The following PPIE variants were observed in gnomAD, a reference collection of about 807,000 sequenced individuals.
The protein encoded by PPIE is peptidylprolyl isomerase E.
In PPIE, 20 loss-of-function variants were observed where a neutral mutation model predicts 38.4. The ratio of observed to expected loss-of-function variants is 0.52; its 90% CI spans 0.37 to 0.76. The LOEUF (loss-of-function observed/expected upper bound fraction) is 0.76. Ranked by LOEUF, PPIE falls within the 30% of genes least tolerant of loss-of-function variation. The pLI is 0.00. For missense variants in PPIE, 322 were observed against 385.8 expected, an observed-to-expected ratio of 0.83 and a Z score of 1.39; for synonymous variants, 142 against 135.7, an observed-to-expected ratio of 1.05 and a Z score of -0.32.
Position 39,743,927 on chromosome 1 carries a change from G to A in PPIE, c.384+3G>A, listed in dbSNP as rs746032039. The stretch of plus-strand genomic sequence containing the variant: ...CTCCCAAAGCAGAGACCCAGGAGGT[G>A]AGAATGAAGCTCCTGCTTCCAGAGC... On this transcript the variant is annotated splice_donor_region_variant and intron_variant, in intron 6 of 9. Transcript: ENST00000324379. 15 of 1,603,212 alleles carry A rather than the reference G, an allele frequency of 9.4e-6. No homozygotes were observed. Among genetic ancestry groups the A allele is most frequent in the Non-Finnish European group, 1.2e-5 (14 of 1,172,100 alleles).
rs1295933893 is a variant in PPIE, at chr1:39,741,351, T to C, written c.131-15T>C. 6.2e-7 allele frequency: 1 copy of C among 1,613,766 alleles called. No individual in the cohort carries two copies. The highest frequency in any genetic ancestry group is 2.2e-5 in the East Asian group (1 of 44,864). On this transcript the variant is annotated splice_polypyrimidine_tract_variant and intron_variant, in intron 2 of 9. Coordinates refer to ENST00000324379, the MANE Select transcript of PPIE (RefSeq NM_006112.4). ...CCACATAGTAATTACTTGTTTTTGT[T>C]TTTCCATTTTGTAGAAAAGCACCGA...
chr1:39,740,286 C>G, intron 2 of PPIE, 23 bp downstream of exon 2: 1 of 1,567,190 alleles, frequency 6.4e-7, no homozygotes, highest in Middle Eastern at 1.7e-4. Context: ...CTCTCACGTT[C>G]AGAATCCTCT....
intron 9 of PPIE, among the ~76,000 whole-genome samples, chr1:39,763,399 G>GGCCCTCCCCAGCCGGCCCTCCCCAGCCC: frequency 6.9e-6 from 1 of 144,472 alleles, no homozygotes; most frequent in Non-Finnish European, 1.5e-5. Flanking sequence ...CTCCCCAGCC[G>GGCCCTCCCCAGCCGGCCCTCCCCAGCCC]GCCCTCCCCT....
rs1647966292 is a variant in PPIE, at chr1:39,753,416, C to G, written c.*61C>G. On this transcript the variant is annotated 3_prime_UTR_variant, in exon 10 of 10. Coordinates refer to ENST00000324379, the MANE Select transcript of PPIE (RefSeq NM_006112.4). ...CCCTGCATATCCAGGAAGGAACTGC[C>G]AGCCTCAGAGGAGGCAGCACCGAGG... 1 of 1,593,846 alleles carries G rather than the reference C, an allele frequency of 6.3e-7. No individual in the cohort carries two copies. Among genetic ancestry groups the G allele is most frequent in the African/African-American group, 1.3e-5 (1 of 74,636 alleles).
Position 39,741,452 on chromosome 1 carries a change from G to T in PPIE, c.174+43G>T, listed in dbSNP as rs371620337. On this transcript the variant is annotated intron_variant, in intron 3 of 9. Transcript: ENST00000324379. ...TAGTGTCTAGTCCTTGGTTTGTGAT[G>T]TTGTTACTGATTACAAAGGAAGCTT... is the stretch of plus-strand genomic sequence containing the variant. The T allele has an allele frequency of 6.0e-5, 96 of 1,596,066 alleles. No individual in the cohort carries two copies. In the African/African-American group the frequency reaches 1.1e-3, roughly 18 times the overall value.
chr1:39,762,674 C>T lies in PPIE; in HGVS notation c.838-1015C>T, dbSNP rs760383412. Reference sequence around the variant, plus strand: ...CAGGTGGGTGAGTGCACACGCACACCCCACACACTGTGCACACATATCACG... The same window carrying T: ...CAGGTGGGTGAGTGCACACGCACACTCCACACACTGTGCACACATATCACG... On this transcript the variant is annotated intron_variant, in intron 9 of 9. Transcript: ENST00000356511. The T allele has an allele frequency of 3.3e-6, 5 of 1,514,140 alleles. No homozygotes were observed. In the South Asian group the frequency reaches 5.1e-5, roughly 15 times the overall value. 93.8% of individuals were successfully genotyped at this position (1,514,140 alleles called of 1,614,324 possible). A position where few individuals can be genotyped will look rare whatever the true frequency, so the allele number is the denominator to read the frequency against.
Position 39,755,062 on chromosome 1 carries a change from G to C in PPIE, c.*1707G>C, listed in dbSNP as rs1648122100. The C allele has an allele frequency of 1.0e-6, 1 of 985,352 alleles. No homozygotes were observed. The allele number at this position is 985,352 out of a possible 1,614,324, so 61.0% of individuals were successfully genotyped here. Reference sequence around the variant, plus strand: ...CACCCCCTGCTGAGCTCACAGTCTGGCTCTCCTGTGTGCAGCCACTTCTTG... The same window carrying C: ...CACCCCCTGCTGAGCTCACAGTCTGCCTCTCCTGTGTGCAGCCACTTCTTG... On this transcript the variant is annotated 3_prime_UTR_variant, in exon 10 of 10. Transcript: ENST00000324379.
At chr1:39,741,873 T>C (rs763299042) in intron 3 of PPIE, 22 bp from the exon 4 acceptor site, 4 of 1,614,236 alleles carry the variant, frequency 2.5e-6, no homozygotes, top group East Asian at 2.2e-5. Context: ...CCTAAACTTG[T>C]ACCTTTGTCT....
chr1:39,745,702 T>G, intron 7 of PPIE: 2 of 654,270 alleles, frequency 3.1e-6, no homozygotes, highest in Non-Finnish European at 4.9e-6. Context: ...TTACTGTTTT[T>G]TAATCGTTTT....
At position 39,753,658 on chromosome 1, in the gene PPIE, G is replaced by A. The variant is rs1569713948; in HGVS notation, c.*303G>A. On this transcript the variant is annotated 3_prime_UTR_variant, in exon 10 of 10. Transcript: ENST00000324379. The stretch of plus-strand genomic sequence containing the variant: ...GGCCTCTCCTGGGACTACCAGTGTG[G>A]CTCTTACGTGTTTTCTTTGCTAAAA... 1 of 1,205,674 alleles carries A rather than the reference G, an allele frequency of 8.3e-7. No individual in the cohort carries two copies. The highest frequency in any genetic ancestry group is 1.0e-6 in the Non-Finnish European group (1 of 968,970). The allele number at this position is 1,205,674 out of a possible 1,614,324, so 74.7% of individuals were successfully genotyped here.
chr1:39,762,245 A>G (rs1649095518), intron 9 of PPIE: 1 of 345,474 alleles, frequency 2.9e-6, no homozygotes, highest in Middle Eastern at 7.8e-4. Flanking sequence ...TTTAATTTTT[A>G]TTTTAGAGAC....
downstream of PPIE, chr1:39,760,164 G>C (rs138636154): frequency 2.7e-4 from 158 of 594,380 alleles, no homozygotes; most frequent in African/African-American, 2.8e-3. Flanking sequence ...TCCGGGAGAG[G>C]CGTTTGCATT....
At chr1:39,760,533 C>A, downstream of PPIE, 2 of 1,614,062 alleles carry the variant, frequency 1.2e-6, no homozygotes, top group Non-Finnish European at 1.7e-6. Context: ...GTGCACAGCA[C>A]GCCTTGGGGA....
rs1648062995 is a variant in PPIE, at chr1:39,754,426, C to T, written c.*1071C>T. Among the ~76,000 whole-genome samples the T allele has an allele frequency of 6.6e-6, 1 of 152,220 alleles. No homozygotes were observed. Among genetic ancestry groups the T allele is most frequent in the Non-Finnish European group, 1.5e-5 (1 of 68,040 alleles). On this transcript the variant is annotated 3_prime_UTR_variant, in exon 10 of 10. Coordinates refer to ENST00000324379, the MANE Select transcript of PPIE (RefSeq NM_006112.4). ...GAAAAAAACTGATGTTGCAGTTCAG[C>T]TCTGAGGCAGTTTGGAAGCAGAATT...
At position 39,741,910 on chromosome 1, in the gene PPIE, A is replaced by G. The variant is rs1208074488; in HGVS notation, c.190A>G (p.Ile64Val). 1.9e-6 allele frequency: 3 copies of G among 1,614,114 alleles called. No individual in the cohort carries two copies. Among genetic ancestry groups the G allele is most frequent in the African/African-American group, 1.3e-5 (1 of 74,956 alleles). Residue 64 changes from isoleucine (I) to valine (V), a missense_variant, in exon 4 of 10, where the codon ATC becomes GTC. Physicochemically the swap from Ile to Val is conservative, Grantham distance 29. Coordinates refer to ENST00000324379, the MANE Select transcript of PPIE (RefSeq NM_006112.4). ...TCCTTGGCAGGATGCTGCAGCAGCT[A>G]TCGACAACATGGTATGGCTGGGAAT... ...FELAEDAAAA[I>V]DNMNESELFG...
chr1:39,753,136 G>T (rs764687871), intron 9 of PPIE, 84 bp downstream of exon 9: 2 of 1,596,198 alleles, frequency 1.3e-6, no homozygotes, highest in Non-Finnish European at 1.7e-6. Context: ...TCTGTGGCCT[G>T]AGAGAGATGG....
intron 4 of PPIE, chr1:39,742,152 C>G: frequency 1.9e-6 from 1 of 515,696 alleles, no homozygotes; most frequent in Non-Finnish European, 3.5e-6. Flanking sequence ...TGACCAGTCT[C>G]TCACTGGCTC....
At position 39,743,924 on chromosome 1, in the gene PPIE, G is replaced by A. The variant is rs779022746; in HGVS notation, c.384G>A (p.Glu128=). ...AGCCTCCCAAAGCAGAGACCCAGGA[G>A]GTGAGAATGAAGCTCCTGCTTCCAG... ...GSEPPKAETQ[E]GEPIAKKARS... is the part of the protein sequence containing the mutation. The change falls in exon 6 of 10, where the codon GAG becomes GAA. Residue 128 remains glutamate (E), a splice_region_variant and synonymous_variant. Coordinates refer to ENST00000324379, the MANE Select transcript of PPIE (RefSeq NM_006112.4). 2 of 1,608,222 alleles carry A rather than the reference G, an allele frequency of 1.2e-6. No individual in the cohort carries two copies. Among genetic ancestry groups the A allele is most frequent in the Non-Finnish European group, 1.7e-6 (2 of 1,176,278 alleles).
intron 4 of PPIE, 60 bp from the exon 5 acceptor site, chr1:39,743,156 G>C: frequency 7.0e-7 from 1 of 1,432,218 alleles, no homozygotes; most frequent in Non-Finnish European, 9.8e-7. Context: ...TATATGGAAA[G>C]CTGGCTGGCC....
Sources: allele counts gnomAD v4.1 joint callset (sites outside exome capture counted in the v4.1 genomes callset), GRCh38; gene constraint gnomAD v4.1.1; transcripts MANE v1.5; gene names NCBI Gene and HGNC (gene_info 2026-07-23, HGNC 2026-07-21).